The following NBAS variants were observed in gnomAD, a reference collection of about 807,000 sequenced individuals.
The protein encoded by NBAS is NBAS subunit of NRZ tethering complex, also known as NAG/BC035112 fusion.
A neutral mutation model predicts 302.5 loss-of-function variants in NBAS; 219 were observed. That is an observed-to-expected ratio of 0.72 (90% CI 0.65 to 0.81). NBAS has a LOEUF of 0.81. Ranked by LOEUF, NBAS falls within the 30% of genes least tolerant of loss-of-function variation. NBAS has a pLI of 0.00. For synonymous variants in NBAS, 1,118 were observed against 1,021.6 expected (o/e 1.09, Z -1.80); for missense variants, 2,932 against 2,841.6 (o/e 1.03, Z -0.72).
At chr2:15,488,812 T>C (rs1478331944) in intron 12 of NBAS, 82 bp downstream of exon 12, 38 of 1,540,542 alleles carry the variant, frequency 2.5e-5, no homozygotes, top group African/African-American at 4.1e-5. Context: ...CTGTGTACTA[T>C]AGTAAAATAT....
chr2:14,888,411 G>C, the NBAS span, among the ~76,000 whole-genome samples: 12 of 151,648 alleles, frequency 7.9e-5, no homozygotes, highest in Non-Finnish European at 1.2e-4. Context: ...GATTACAGGC[G>C]TGAGCCACCA....
At chr2:15,343,967 A>G (rs1289851951) in intron 35 of NBAS, among the ~76,000 whole-genome samples, 1 of 119,584 alleles carries the variant, frequency 8.4e-6, no homozygotes, top group African/African-American at 4.9e-5. Flanking sequence ...CATAAATCTG[A>G]AAAAAAAAAA....
At chr2:14,851,192 T>C in the NBAS span, among the ~76,000 whole-genome samples, 4 of 131,870 alleles carry the variant, frequency 3.0e-5, no homozygotes, top group Non-Finnish European at 3.1e-5. Flanking sequence ...GCAAGACTAA[T>C]AAAGAAAAAA....
At chr2:15,057,164 AG>A in the NBAS span, among the ~76,000 whole-genome samples, 1 of 152,102 alleles carries the variant, frequency 6.6e-6, no homozygotes, top group Non-Finnish European at 1.5e-5. Flanking sequence ...TTGCAAAGCC[AG>A]CCTAGACCTG....
the NBAS span, among the ~76,000 whole-genome samples, chr2:14,804,257 C>A: frequency 6.6e-6 from 1 of 152,150 alleles, no homozygotes; most frequent in African/African-American, 2.4e-5. Context: ...TTCTCAGAAT[C>A]TATTTAGTGC....
At chr2:15,437,205 T>C (rs1037480406) in intron 21 of NBAS, among the ~76,000 whole-genome samples, 5 of 152,230 alleles carry the variant, frequency 3.3e-5, no homozygotes, top group African/African-American at 1.2e-4. Flanking sequence ...GGAATTTAGC[T>C]GGGCATGATG....
At chr2:15,457,962 G>A (rs1198378673) in intron 21 of NBAS, among the ~76,000 whole-genome samples, 1 of 152,176 alleles carries the variant, frequency 6.6e-6, no homozygotes, top group Non-Finnish European at 1.5e-5. Context: ...GCAAGTGAAA[G>A]TCCATCTGCA....
chr2:15,003,728 C>T, the NBAS span, among the ~76,000 whole-genome samples: 1 of 152,188 alleles, frequency 6.6e-6, no homozygotes, highest in South Asian at 2.1e-4. Context: ...TCTCAGAAGT[C>T]ATTACCACTT....
At chr2:15,383,449 C>A in intron 28 of NBAS, 132 bp from the exon 29 acceptor site, 1 of 728,178 alleles carries the variant, frequency 1.4e-6, no homozygotes, top group Non-Finnish European at 2.4e-6. Context: ...CTCAAATGAT[C>A]AAAAAGAATA....
intron 21 of NBAS, among the ~76,000 whole-genome samples, chr2:15,440,798 G>C (rs1394927843): frequency 6.6e-6 from 1 of 152,028 alleles, no homozygotes; most frequent in African/African-American, 2.4e-5. Flanking sequence ...AACCAATACA[G>C]AGAAGTGCTT....
intron 41 of NBAS, among the ~76,000 whole-genome samples, chr2:15,288,090 G>T (rs1308680180): frequency 6.6e-6 from 1 of 152,240 alleles, no homozygotes; most frequent in Non-Finnish European, 1.5e-5. Flanking sequence ...CGGTTGAAAA[G>T]ATATGAACTA....
chr2:14,955,839 T>C, the NBAS span, among the ~76,000 whole-genome samples: 1 of 152,188 alleles, frequency 6.6e-6, no homozygotes, highest in African/African-American at 2.4e-5. Flanking sequence ...TCTCCAGGCC[T>C]GTGATAAGAG....
At chr2:15,393,609 A>AAAAAT in intron 28 of NBAS, 1 of 453,366 alleles carries the variant, frequency 2.2e-6, no homozygotes, top group Non-Finnish European at 4.6e-6. Flanking sequence ...TTTGTCTGAG[A>AAAAAT]GAAATGAAAG....
chr2:14,950,004 C>T, the NBAS span, among the ~76,000 whole-genome samples: 1 of 152,092 alleles, frequency 6.6e-6, no homozygotes. Flanking sequence ...CTATAGTCTA[C>T]AGTAATCTAT....
chr2:15,535,521 C>G (rs374270215), intron 8 of NBAS, among the ~76,000 whole-genome samples: 1 of 84,726 alleles, frequency 1.2e-5, no homozygotes, highest in Non-Finnish European at 2.1e-5. Flanking sequence ...GACTCCGTCT[C>G]AGAAATAAAT....
chr2:15,337,639 G>C (rs1672651417), intron 35 of NBAS, among the ~76,000 whole-genome samples: 1 of 152,036 alleles, frequency 6.6e-6, no homozygotes, highest in African/African-American at 2.4e-5. Flanking sequence ...AAATTCACAT[G>C]CTCAGAAATG....
chr2:15,471,357 T>A (rs538520074), intron 16 of NBAS, among the ~76,000 whole-genome samples: 3 of 152,248 alleles, frequency 2.0e-5, no homozygotes, highest in Non-Finnish European at 4.4e-5. Flanking sequence ...GTTAGGTTTA[T>A]CATCCTGTTT....
chr2:15,397,512 CT>C, intron 26 of NBAS: 1 of 596,208 alleles, frequency 1.7e-6, no homozygotes, highest in Non-Finnish European at 3.1e-6. Flanking sequence ...TCCTTGCAGG[CT>C]TCATGATATC....
At chr2:15,056,627 G>T in the NBAS span, among the ~76,000 whole-genome samples, 80 of 152,242 alleles carry the variant, frequency 5.3e-4, no homozygotes, top group African/African-American at 1.8e-3. Flanking sequence ...GAGAAACACT[G>T]AACTTGAGCT....
Sources: gnomAD v4.1 joint callset for allele counts (sites outside exome capture counted in the v4.1 genomes callset) on GRCh38, gnomAD v4.1.1 for gene constraint, MANE v1.5 for transcripts, NCBI Gene and HGNC (gene_info 2026-07-23, HGNC 2026-07-21) for gene names.